The following NINL variants were observed in gnomAD, a reference collection of about 807,000 sequenced individuals.
NINL encodes ninein-like protein.
In NINL, 153 loss-of-function variants were observed where a neutral mutation model predicts 160.3. The ratio of observed to expected loss-of-function variants is 0.95; its 90% CI spans 0.84 to 1.09. NINL has a LOEUF of 1.09. Among genes scored for constraint, NINL ranks in the 50% least tolerant of loss-of-function variants. The probability of loss-of-function intolerance (pLI) is 0.00; values close to 1 mark genes in which losing one functional copy is unlikely to be tolerated. For synonymous variants in NINL, 800 were observed against 734.8 expected (o/e 1.09, Z -1.43); for missense variants, 1,829 against 1,764.0 (o/e 1.04, Z -0.66).
intron 21 of NINL, among the ~76,000 whole-genome samples, chr20:25,460,885 G>A (rs920735758): frequency 5.9e-5 from 9 of 152,138 alleles, no homozygotes; most frequent in Non-Finnish European, 8.8e-5. Context: ...CCGCACCTGT[G>A]TCCACACTGG....
chr20:25,576,968 T>G (rs965242914), intron 1 of NINL, among the ~76,000 whole-genome samples: 2 of 152,244 alleles, frequency 1.3e-5, no homozygotes, highest in African/African-American at 4.8e-5. Flanking sequence ...GGCTGTGGAC[T>G]GTGTCCACTT....
In NINL at chr20:25,496,783, G is replaced by A. The variant is rs571568472; in HGVS notation, c.1190C>T (p.Ala397Val). Residue 397 changes from alanine to valine, a missense_variant, in exon 10 of 24, where the codon GCA (alanine) becomes GTA (valine). Coordinates refer to ENST00000278886, the MANE Select transcript of NINL (RefSeq NM_025176.6). ...SYQQGQVEQLARERDKARQDL... is the reference protein window; with the variant it reads ...SYQQGQVEQLVRERDKARQDL... ...CTGCCTTGCCTTGTCACGCTCCCTT[G>A]CCAGCTGCTCCACCTGCCCTCTGCC... is the stretch of plus-strand genomic sequence containing the variant. The A allele has an allele frequency of 6.2e-7, 1 of 1,613,894 alleles. No homozygotes were observed. Among genetic ancestry groups the A allele is most frequent in the African/African-American group, 1.3e-5 (1 of 75,012 alleles).
intron 9 of NINL, among the ~76,000 whole-genome samples, chr20:25,497,853 G>A (rs1462739698): frequency 2.6e-5 from 4 of 152,184 alleles, no homozygotes; most frequent in Admixed American, 2.6e-4. Context: ...AGGGCTCAGT[G>A]GGGGCCCCCA....
rs774422757 is a variant in NINL at position 25,491,468 on chromosome 20, C to T, written c.1368G>A (p.Ala456=). ...CCTGCTCCCAGAACAGCTCTCGCTC[C>T]GCCTCCACCTCAGACCGCAGGAGGC... ...RLSLLRSEVE[A]ERELFWEQAH... Residue 456 remains alanine, a synonymous_variant, in exon 11 of 24, where the codon GCG becomes GCA. Coordinates refer to ENST00000278886, the MANE Select transcript of NINL (RefSeq NM_025176.6). 12 of 1,613,976 alleles carry T rather than the reference C, an allele frequency of 7.4e-6. No individual in the cohort carries two copies. The Admixed American group carries it at 1.8e-4, about 25-fold the overall frequency.
rs1336568184 is a variant in NINL at position 25,476,610 on chromosome 20, G to A, written c.2681C>T (p.Ala894Val). 1 of 1,595,490 alleles carries A rather than the reference G, an allele frequency of 6.3e-7. No individual in the cohort carries two copies. Among genetic ancestry groups the A allele is most frequent in the South Asian group, 1.1e-5 (1 of 90,184 alleles). The stretch of plus-strand genomic sequence containing the variant: ...GGGGCCGTGGGATGCCGGGGCAGGG[G>A]CGGGGGCCGGGCTCTGCGTAGCTTC... ...DTEATQSPAPAPAPASHGPSE... is the reference protein window; with the variant it reads ...DTEATQSPAPVPAPASHGPSE... Residue 894 changes from alanine to valine, a missense_variant, in exon 17 of 24, where the codon GCC (alanine) becomes GTC (valine). Ala to Val is a moderately conservative substitution (Grantham distance 64). Coordinates refer to ENST00000278886, the MANE Select transcript of NINL (RefSeq NM_025176.6).
intron 1 of NINL, among the ~76,000 whole-genome samples, chr20:25,574,746 G>A (rs998253014): frequency 6.6e-6 from 1 of 152,184 alleles, no homozygotes; most frequent in Non-Finnish European, 1.5e-5. Flanking sequence ...AATATGTTGA[G>A]TTTAATGTAG....
intron 10 of NINL, among the ~76,000 whole-genome samples, chr20:25,494,725 C>T (rs537144848): frequency 6.6e-6 from 1 of 152,322 alleles, no homozygotes; most frequent in African/African-American, 2.4e-5. Flanking sequence ...AGCACAGATC[C>T]GTGGAAACCC....
chr20:25,483,335 CAA>C (rs11477331), intron 13 of NINL, among the ~76,000 whole-genome samples: 42 of 140,628 alleles, frequency 3.0e-4, no homozygotes, highest in East Asian at 1.0e-3. Flanking sequence ...TCTGTCTCAA[CAA>C]AAAAAAAAAA....
Position 25,575,102 on chromosome 20 carries a change from T to C in NINL, c.-12+10353A>G, listed in dbSNP as rs886805558. On this transcript the variant is annotated intron_variant, in intron 1 of 23. Transcript: ENST00000278886. ...GGAGGTCTTTAGATGGCAGTGAATATAGGACTAGCTTTTTAACTTGTTATT... is the reference window on the plus strand; with the variant it reads ...GGAGGTCTTTAGATGGCAGTGAATACAGGACTAGCTTTTTAACTTGTTATT... Among the ~76,000 whole-genome samples the C allele has an allele frequency of 3.3e-5, 5 of 152,316 alleles. No individual in the cohort carries two copies. The South Asian group carries it at 8.3e-4, about 25-fold the overall frequency.
intron 1 of NINL, among the ~76,000 whole-genome samples, chr20:25,534,217 A>G (rs1032706780): frequency 7.9e-5 from 12 of 152,188 alleles, no homozygotes; most frequent in Non-Finnish European, 1.6e-4. Context: ...AAAATCCCCA[A>G]CAAAGCTTTG....
chr20:25,561,757 C>T (rs1262470888), intron 1 of NINL, among the ~76,000 whole-genome samples: 4 of 150,978 alleles, frequency 2.6e-5, no homozygotes, highest in Non-Finnish European at 5.9e-5. Context: ...CGTCTCTGCC[C>T]AGCCGCCCCG....
At position 25,476,814 on chromosome 20, in the gene NINL, A is replaced by G; in HGVS notation, c.2477T>C (p.Met826Thr). 1.2e-6 allele frequency: 2 copies of G among 1,613,056 alleles called. No homozygotes were observed. Among genetic ancestry groups the G allele is most frequent in the Non-Finnish European group, 1.7e-6 (2 of 1,179,918 alleles). The change falls in exon 17 of 24, where the codon ATG (methionine) becomes ACG (threonine). Residue 826 changes from methionine to threonine, a missense_variant. Met to Thr is a moderately conservative substitution (Grantham distance 81). Coordinates refer to ENST00000278886, the MANE Select transcript of NINL (RefSeq NM_025176.6). ...CAGCCCATCTTTCGGCAGGGCCTGC[A>G]TCTCTGCTTCCAGGGAGGGCCCGTC... is the stretch of plus-strand genomic sequence containing the variant. ...RVDGPSLEAE[M>T]QALPKDGLVA...
chr20:25,480,376 T>C, intron 14 of NINL, 109 bp from the exon 15 acceptor site: 2 of 762,112 alleles, frequency 2.6e-6, no homozygotes, highest in South Asian at 1.6e-5. Flanking sequence ...GGGCAGGTGG[T>C]GCTGGCTGTG....
At chr20:25,486,829 A>C (rs768739833) in intron 13 of NINL, among the ~76,000 whole-genome samples, 4 of 152,196 alleles carry the variant, frequency 2.6e-5, no homozygotes, top group Non-Finnish European at 5.9e-5. Context: ...GTGAATCGAG[A>C]ATAGACCCTT....
intron 1 of NINL, among the ~76,000 whole-genome samples, chr20:25,539,576 C>A (rs1469895523): frequency 2.6e-5 from 4 of 152,196 alleles, no homozygotes; most frequent in Non-Finnish European, 5.9e-5. Context: ...GAACTACCGT[C>A]CCATGTATGT....
At chr20:25,474,789 AT>A (rs1009503014) in intron 17 of NINL, among the ~76,000 whole-genome samples, 194 of 137,476 alleles carry the variant, frequency 1.4e-3, no homozygotes, top group Admixed American at 1.4e-3. Flanking sequence ...TAATTTTTGT[AT>A]TTTTTTTTTT....
At chr20:25,479,326 C>A in intron 15 of NINL, 120 bp from the exon 16 acceptor site, 5 of 1,313,740 alleles carry the variant, frequency 3.8e-6, no homozygotes, top group Non-Finnish European at 5.2e-6. Context: ...TCCTGGCCTG[C>A]CGAGGTGCCA....
intron 19 of NINL, among the ~76,000 whole-genome samples, chr20:25,464,280 G>T (rs568288759): frequency 6.6e-6 from 1 of 152,152 alleles, no homozygotes; most frequent in Non-Finnish European, 1.5e-5. Context: ...AGCCGGGCTT[G>T]GTGGCACATG....
rs370595608 is a variant in NINL at position 25,460,769 on chromosome 20, C to CG, written c.3696+752dup. Among the ~76,000 whole-genome samples the CG allele has an allele frequency of 5.1e-3, 777 of 152,196 alleles. 10 individuals are homozygous for CG. The highest frequency in any genetic ancestry group is 0.017 in the African/African-American group (719 of 41,516). ...CTGCACAGGGCGCCAGGGCCAGCGCCGGGGGGGACCAGGTGCAGAGGCTCA... is the reference window on the plus strand; with the variant it reads ...CTGCACAGGGCGCCAGGGCCAGCGCCGGGGGGGGACCAGGTGCAGAGGCTCA... On this transcript the variant is annotated intron_variant, in intron 21 of 23. Transcript: ENST00000278886.
Sources: allele counts gnomAD v4.1 joint callset (sites outside exome capture counted in the v4.1 genomes callset), GRCh38; gene constraint gnomAD v4.1.1; transcripts MANE v1.5; gene names NCBI Gene and HGNC (gene_info 2026-07-23, HGNC 2026-07-21).